Variants in MEI1 observed in about 807,000 individuals in gnomAD.
The protein encoded by MEI1 is meiosis inhibitor protein 1.
A neutral mutation model predicts 146.2 loss-of-function variants in MEI1; 103 were observed. The observed-to-expected ratio is 0.70, with a 90% CI of 0.60 to 0.83. The LOEUF (loss-of-function observed/expected upper bound fraction) is 0.83, where lower values mean the gene tolerates loss of function less well. Among genes scored for constraint, MEI1 ranks in the 40% least tolerant of loss-of-function variants. The probability of loss-of-function intolerance (pLI) is 0.00; values close to 1 mark genes in which losing one functional copy is unlikely to be tolerated. For missense variants in MEI1, 1,529 were observed against 1,533.0 expected (o/e 1.00, Z 0.04); for synonymous variants, 652 against 628.2 (o/e 1.04, Z -0.57).
chr22:41,791,148 A>C (rs945868139), intron 26 of MEI1, among the ~76,000 whole-genome samples: 1 of 152,194 alleles, frequency 6.6e-6, no homozygotes, highest in Non-Finnish European at 1.5e-5. Context: ...GCTAAGAATC[A>C]CTGTGCGAAC....
chr22:41,749,383 C>T (rs1357718498), intron 15 of MEI1, among the ~76,000 whole-genome samples: 2 of 151,930 alleles, frequency 1.3e-5, no homozygotes, highest in Non-Finnish European at 1.5e-5. Flanking sequence ...TCAAGTGATT[C>T]TCCTGAGTCA....
At chr22:41,709,757 T>C (rs1296982658) in intron 3 of MEI1, among the ~76,000 whole-genome samples, 2 of 152,172 alleles carry the variant, frequency 1.3e-5, no homozygotes, top group Admixed American at 6.6e-5. Context: ...CCCTGGATAT[T>C]GGGATCAGTC....
chr22:41,774,546 AC>A (rs2075346633), intron 20 of MEI1: 1 of 152,168 alleles, frequency 6.6e-6, no homozygotes, highest in South Asian at 2.1e-4. Context: ...CCATTCTGTG[AC>A]CTTTTTCTTT....
chr22:41,720,427 T>A (rs976251706), intron 6 of MEI1, among the ~76,000 whole-genome samples: 1 of 152,068 alleles, frequency 6.6e-6, no homozygotes, highest in Non-Finnish European at 1.5e-5. Flanking sequence ...TTTTTTAAAA[T>A]TTTTATTTAC....
Position 41,714,000 on chromosome 22 carries a change from A to T in MEI1, c.350-2A>T. ...GTTAGTAATACTGTTGTGTCTGTTCAGTCCTTATTCAGATCACAACGCAGC... is the reference window on the plus strand; with the variant it reads ...GTTAGTAATACTGTTGTGTCTGTTCTGTCCTTATTCAGATCACAACGCAGC... On this transcript the variant is annotated splice_acceptor_variant, in intron 3 of 30. Transcript: ENST00000401548. LOFTEE classifies it high-confidence loss of function. 6.3e-7 allele frequency: 1 copy of T among 1,583,002 alleles called. No individual in the cohort carries two copies. Among genetic ancestry groups the T allele is most frequent in the Non-Finnish European group, 8.6e-7 (1 of 1,164,220 alleles).
At chr22:41,712,392 G>A (rs958113983) in intron 3 of MEI1, among the ~76,000 whole-genome samples, 8 of 150,372 alleles carry the variant, frequency 5.3e-5, no homozygotes, top group African/African-American at 9.8e-5. Flanking sequence ...CCACCACCAC[G>A]CCCGGCTAAT....
chr22:41,770,556 G>A, intron 19 of MEI1, 130 bp from the exon 20 acceptor site: 2 of 823,684 alleles, frequency 2.4e-6, no homozygotes, highest in East Asian at 2.7e-5. Flanking sequence ...AGTGCCTTGG[G>A]ATGAGCTAGC....
At chr22:41,779,211 G>T (rs1401225417) in intron 22 of MEI1, among the ~76,000 whole-genome samples, 1 of 151,996 alleles carries the variant, frequency 6.6e-6, no homozygotes, top group African/African-American at 2.4e-5. Context: ...ACTTTGGGAG[G>T]CTGAGGCAGC....
At chr22:41,705,762 C>T (rs142372853) in intron 3 of MEI1, among the ~76,000 whole-genome samples, 2 of 147,996 alleles carry the variant, frequency 1.4e-5, no homozygotes, top group African/African-American at 5.0e-5. Context: ...GGCTGGAGTG[C>T]GGTGGTGCAA....
At chr22:41,709,330 T>C (rs2069353313) in intron 3 of MEI1, 4 of 770,958 alleles carry the variant, frequency 5.2e-6, no homozygotes, top group Admixed American at 1.7e-5. Flanking sequence ...CCTTTTTCCC[T>C]TTGGGTACCT....
intron 21 of MEI1, among the ~76,000 whole-genome samples, chr22:41,776,583 G>A (rs2075447388): frequency 6.6e-6 from 1 of 152,282 alleles, no homozygotes; most frequent in African/African-American, 2.4e-5. Context: ...GAAGAAGAAA[G>A]TGAGAAATCT....
At chr22:41,796,241 G>A (rs2076352669) in intron 30 of MEI1, among the ~76,000 whole-genome samples, 1 of 152,094 alleles carries the variant, frequency 6.6e-6, no homozygotes, top group South Asian at 2.1e-4. Context: ...AGGCTGGAGT[G>A]CAGTGGCACG....
intron 7 of MEI1, among the ~76,000 whole-genome samples, chr22:41,729,240 A>G (rs1468391098): frequency 2.6e-5 from 4 of 151,064 alleles, no homozygotes; most frequent in Non-Finnish European, 5.9e-5. Flanking sequence ...GGCTGAAATG[A>G]GAAGATCGCT....
rs1308249803 is a variant in MEI1, at chr22:41,784,615, C to A, written c.3177C>A (p.Ile1059=). ...GGAATCTCCTGCTTCCAGCTGCCATCTTATGCTTCCTGCGGACAGCCCTGC... is the reference window on the plus strand; with the variant it reads ...GGAATCTCCTGCTTCCAGCTGCCATATTATGCTTCCTGCGGACAGCCCTGC... ...KKKAALLSAA[I]LCFLRTALRQ... is the part of the protein sequence containing the mutation. Residue 1059 remains isoleucine, a synonymous_variant, in exon 26 of 31, where the codon ATC becomes ATA. Transcript: ENST00000401548. 2 of 1,612,084 alleles carry A rather than the reference C, an allele frequency of 1.2e-6. No homozygotes were observed. The highest frequency in any genetic ancestry group is 1.7e-6 in the Non-Finnish European group (2 of 1,179,744).
chr22:41,723,186 A>G (rs186482081), intron 6 of MEI1, among the ~76,000 whole-genome samples: 1 of 150,584 alleles, frequency 6.6e-6, no homozygotes, highest in African/African-American at 2.4e-5. Flanking sequence ...TACATCATTT[A>G]TCACAATTAT....
rs1295757740 is a variant in MEI1 at position 41,725,263 on chromosome 22, C to T, written c.864+1190C>T. ...AGTAGTTGGGATTACAGGCGCCAAG[C>T]CACCATGCCCGGCTAATTTTTTGCA... On this transcript the variant is annotated intron_variant, in intron 7 of 30. Transcript: ENST00000401548. Among the ~76,000 whole-genome samples the T allele has an allele frequency of 1.4e-4, 21 of 152,052 alleles. 1 individual carries two copies. The highest frequency in any genetic ancestry group is 1.3e-3 in the Admixed American group (20 of 15,240).
intron 26 of MEI1, among the ~76,000 whole-genome samples, chr22:41,793,349 G>A (rs751971807): frequency 9.2e-5 from 14 of 151,684 alleles, no homozygotes; most frequent in South Asian, 2.1e-4. Context: ...CGCTCAGGCT[G>A]GAGTGCAAGT....
intron 23 of MEI1, 77 bp from the exon 24 acceptor site, chr22:41,781,608 G>A (rs1722484945): frequency 6.6e-7 from 1 of 1,512,298 alleles, no homozygotes; most frequent in Non-Finnish European, 9.0e-7. Flanking sequence ...CCCCAATCAG[G>A]TGCTAAGCAC....
At chr22:41,714,634 G>T (rs1229654777) in intron 4 of MEI1, among the ~76,000 whole-genome samples, 1 of 151,992 alleles carries the variant, frequency 6.6e-6, no homozygotes, top group Non-Finnish European at 1.5e-5. Context: ...ACTTTGGGAG[G>T]CTGAGGTGGG....
Sources: gnomAD v4.1 joint callset for allele counts (sites outside exome capture counted in the v4.1 genomes callset) on GRCh38, gnomAD v4.1.1 for gene constraint, MANE v1.5 for transcripts, NCBI Gene and HGNC (gene_info 2026-07-23, HGNC 2026-07-21) for gene names.